DGKB: variants seen among roughly 807,000 people sequenced by gnomAD.
The protein encoded by DGKB is 90 kDa diacylglycerol kinase.
Under a neutral mutation model 114.3 loss-of-function variants are expected in DGKB, and 67 were observed. The ratio of observed to expected loss-of-function variants is 0.59; its 90% CI spans 0.48 to 0.72. The LOEUF (loss-of-function observed/expected upper bound fraction) is 0.72, where lower values mean the gene tolerates loss of function less well. DGKB is among the 30% of genes least tolerant of loss of function. The pLI is 0.00. For missense variants in DGKB, 907 were observed against 975.2 expected (o/e 0.93, Z 0.93); for synonymous variants, 398 against 323.1 (o/e 1.23, Z -2.49).
At chr7:14,964,804 A>G (rs2115283577) in intron 1 of DGKB, among the ~76,000 whole-genome samples, 1 of 152,310 alleles carries the variant, frequency 6.6e-6, no homozygotes, top group African/African-American at 2.4e-5. Context: ...AACCAAATCA[A>G]TGACACTCAA....
chr7:14,691,845 T>C (rs1448323127), intron 9 of DGKB, among the ~76,000 whole-genome samples: 1 of 151,832 alleles, frequency 6.6e-6, no homozygotes, highest in Non-Finnish European at 1.5e-5. Context: ...AACACAACTC[T>C]GGAACACAGC....
At chr7:14,637,465 C>T (rs954114377) in intron 13 of DGKB, among the ~76,000 whole-genome samples, 1 of 151,428 alleles carries the variant, frequency 6.6e-6, no homozygotes, top group Non-Finnish European at 1.5e-5. Context: ...GAGCAAACTT[C>T]AAGCAGTTTT....
At position 14,685,288 on chromosome 7, in the gene DGKB, C is replaced by T. The variant is rs373141500; in HGVS notation, c.786G>A (p.Leu262=). Residue 262 remains leucine (L), a synonymous_variant, in exon 10 of 26, where the codon CTG becomes CTA. Coordinates refer to ENST00000402815, the MANE Select transcript of DGKB (RefSeq NM_001350709.2). ...FNKPAYCNLC[L]NMLIGVGKQG... is the part of the protein sequence containing the mutation. ...GCTTCCCCACGCCAATCAGCATGTTCAGGCAAAGGTTGCAATAGGCAGGTT... is the reference window on the plus strand; with the variant it reads ...GCTTCCCCACGCCAATCAGCATGTTTAGGCAAAGGTTGCAATAGGCAGGTT... The T allele has an allele frequency of 3.0e-5, 48 of 1,613,740 alleles. No homozygotes were observed. The highest frequency in any genetic ancestry group is 4.0e-5 in the African/African-American group (3 of 74,924).
intron 20 of DGKB, among the ~76,000 whole-genome samples, chr7:14,516,529 C>T (rs1490467966): frequency 6.6e-6 from 1 of 152,124 alleles, no homozygotes; most frequent in Non-Finnish European, 1.5e-5. Flanking sequence ...GAAGAAGAGC[C>T]CATCCTCTCT....
chr7:14,804,402 T>A (rs1406547030), intron 2 of DGKB, among the ~76,000 whole-genome samples: 2 of 152,092 alleles, frequency 1.3e-5, no homozygotes, highest in East Asian at 3.9e-4. Flanking sequence ...TCTATGCTTA[T>A]ATTTTTATCT....
chr7:14,913,622 C>G lies in DGKB; in HGVS notation c.-188+61074G>C, dbSNP rs183329374. 1.4e-3 allele frequency among the ~76,000 whole-genome samples: 219 copies of G among 151,758 alleles called. 2 individuals are homozygous for G. Among genetic ancestry groups the G allele is most frequent in the African/African-American group, 5.2e-3 (216 of 41,354 alleles). ...AATAGGAAAAGTAGGTCTGGAAGAGCAAAGAAGGAGGCAAACTAAATTGAA... is the reference window on the plus strand; with the variant it reads ...AATAGGAAAAGTAGGTCTGGAAGAGGAAAGAAGGAGGCAAACTAAATTGAA... On this transcript the variant is annotated intron_variant, in intron 1 of 4. Transcript: ENST00000437998.
intron 23 of DGKB, among the ~76,000 whole-genome samples, chr7:14,281,012 A>T (rs1799861175): frequency 6.6e-6 from 1 of 151,346 alleles, no homozygotes; most frequent in African/African-American, 2.4e-5. Context: ...ACATAACACT[A>T]TTAACTTTAA....
At chr7:14,906,036 G>T (rs889668969), upstream of DGKB, among the ~76,000 whole-genome samples, 3 of 152,006 alleles carry the variant, frequency 2.0e-5, no homozygotes, top group South Asian at 6.2e-4. Context: ...CTGTCCTTAA[G>T]ATTCCTCCAA....
intron 6 of DGKB, among the ~76,000 whole-genome samples, chr7:14,707,499 G>A (rs1826505931): frequency 8.6e-6 from 1 of 116,510 alleles, no homozygotes; most frequent in Non-Finnish European, 1.8e-5. Flanking sequence ...CCAAAGCCGG[G>A]CAGAGACACA....
chr7:14,551,737 T>C (rs1317750087), intron 20 of DGKB, among the ~76,000 whole-genome samples: 1 of 152,126 alleles, frequency 6.6e-6, no homozygotes, highest in Non-Finnish European at 1.5e-5. Flanking sequence ...TAGGTCTTAA[T>C]TGTGCATAAT....
In DGKB at chr7:14,696,181, T is replaced by G. The variant is rs140737592; in HGVS notation, c.591+1914A>C. ...CCAAAAATGCTTTTGTTGAGAAGTG[T>G]TAGTGCCCGCTGTTTAGAAACCTGA... is the stretch of plus-strand genomic sequence containing the variant. On this transcript the variant is annotated intron_variant, in intron 8 of 25. Transcript: ENST00000402815. Among the ~76,000 whole-genome samples, 1,043 of 152,062 alleles carry G rather than the reference T, an allele frequency of 6.9e-3. 10 individuals carry two copies. Among genetic ancestry groups the G allele is most frequent in the African/African-American group, 0.023 (968 of 41,506 alleles).
chr7:14,736,785 T>G (rs1227727216), intron 4 of DGKB, among the ~76,000 whole-genome samples: 1 of 152,218 alleles, frequency 6.6e-6, no homozygotes, highest in African/African-American at 2.4e-5. Flanking sequence ...TCTCTGATAC[T>G]CATTGCAGAA....
intron 13 of DGKB, among the ~76,000 whole-genome samples, chr7:14,632,235 G>C (rs111694013): frequency 5.9e-5 from 9 of 151,900 alleles, no homozygotes; most frequent in African/African-American, 2.2e-4. Flanking sequence ...ACAAGATAAT[G>C]ACTGATATTA....
In DGKB at chr7:14,791,352, T is replaced by C. The variant is rs528677599; in HGVS notation, c.71-33621A>G. On this transcript the variant is annotated intron_variant, in intron 2 of 25. Transcript: ENST00000402815. ...TTGCTGGAGGTTTTCAAAATAATCA[T>C]GTCATCTGTAAACAGTGGTAGTTTT... Among the ~76,000 whole-genome samples, 222 of 152,320 alleles carry C rather than the reference T, an allele frequency of 1.5e-3. 1 individual carries two copies. Among genetic ancestry groups the C allele is most frequent in the African/African-American group, 5.0e-3 (207 of 41,568 alleles).
intron 23 of DGKB, among the ~76,000 whole-genome samples, chr7:14,259,102 T>G (rs1796356954): frequency 1.3e-5 from 2 of 152,144 alleles, no homozygotes; most frequent in Admixed American, 6.5e-5. Context: ...CTCATCTCTG[T>G]CTCTCCTAGT....
At position 14,839,992 on chromosome 7, in the gene DGKB, C is replaced by A. The variant is rs1847700647; in HGVS notation, c.70+1202G>T. Among the ~76,000 whole-genome samples, 3 of 152,088 alleles carry A rather than the reference C, an allele frequency of 2.0e-5. 1 individual carries two copies. Among genetic ancestry groups the A allele is most frequent in the Admixed American group, 2.0e-4 (3 of 15,270 alleles). On this transcript the variant is annotated intron_variant, in intron 2 of 25. Transcript: ENST00000402815. The stretch of plus-strand genomic sequence containing the variant: ...TATACATGAAGCATTTATTAGTGTT[C>A]CTGGCTCATAATATGTACTCTATAA...
chr7:14,701,367 T>C (rs1032838016), intron 7 of DGKB, among the ~76,000 whole-genome samples: 9 of 152,210 alleles, frequency 5.9e-5, no homozygotes, highest in African/African-American at 2.2e-4. Flanking sequence ...TCTAAATCAA[T>C]GGTTTCAACT....
At chr7:14,504,606 T>A (rs2128961045) in intron 20 of DGKB, among the ~76,000 whole-genome samples, 1 of 152,314 alleles carries the variant, frequency 6.6e-6, no homozygotes, top group Middle Eastern at 3.4e-3. Flanking sequence ...CTTCTGCTTA[T>A]AATTTTCAAA....
At chr7:14,183,734 A>G (rs1782974315) in intron 23 of DGKB, among the ~76,000 whole-genome samples, 1 of 152,202 alleles carries the variant, frequency 6.6e-6, no homozygotes, top group Non-Finnish European at 1.5e-5. Context: ...TCTAAATTCC[A>G]TGTTACTGTG....
Sources: gnomAD v4.1 joint callset for allele counts (sites outside exome capture counted in the v4.1 genomes callset) on GRCh38, gnomAD v4.1.1 for gene constraint, MANE v1.5 for transcripts, NCBI Gene and HGNC (gene_info 2026-07-23, HGNC 2026-07-21) for gene names.